Variants in XYLB observed in about 807,000 individuals in gnomAD.
XYLB encodes the protein xylulose kinase.
XYLB carries 62 observed loss-of-function variants against 78.7 expected under a neutral mutation model. The ratio of observed to expected loss-of-function variants is 0.79; its 90% CI spans 0.64 to 0.97. XYLB has a LOEUF of 0.97. Ranked by LOEUF, XYLB falls within the 50% of genes least tolerant of loss-of-function variation. The pLI is 0.00. For synonymous variants in XYLB, 245 were observed against 247.4 expected, an observed-to-expected ratio of 0.99 and a Z score of 0.09; for missense variants, 687 against 676.8, an observed-to-expected ratio of 1.02 and a Z score of -0.17.
chr3:38,371,365 C>G (rs1706549452), intron 9 of XYLB, among the ~76,000 whole-genome samples: 1 of 152,018 alleles, frequency 6.6e-6, no homozygotes, highest in Non-Finnish European at 1.5e-5. Context: ...GCTCCGCCTC[C>G]TGGGTTCACG....
chr3:38,406,518 G>A (rs952654290), intron 18 of XYLB, among the ~76,000 whole-genome samples: 3 of 152,190 alleles, frequency 2.0e-5, no homozygotes, highest in African/African-American at 2.4e-5. Context: ...CACCAGCAAC[G>A]GAACAAAGCT....
chr3:38,364,933 GT>G, intron 4 of XYLB, among the ~76,000 whole-genome samples: 1 of 152,332 alleles, frequency 6.6e-6, no homozygotes, highest in Non-Finnish European at 1.5e-5. Context: ...TTTAAATGCA[GT>G]TTTACAAAAG....
At chr3:38,420,211 G>A (rs553473323) in exon 18 of XYLB, among the ~76,000 whole-genome samples, 4 of 152,304 alleles carry the variant, frequency 2.6e-5, no homozygotes, top group Admixed American at 2.0e-4. Flanking sequence ...AGGATATGTA[G>A]GGTTTCTATC....
At chr3:38,426,191 C>A (rs1709096514), downstream of XYLB, among the ~76,000 whole-genome samples, 2 of 152,330 alleles carry the variant, frequency 1.3e-5, no homozygotes, top group South Asian at 2.1e-4. Context: ...CAGAAAAATT[C>A]TACTTTGCTG....
chr3:38,369,204 T>C (rs1316847068), intron 8 of XYLB, among the ~76,000 whole-genome samples: 1 of 151,632 alleles, frequency 6.6e-6, no homozygotes, highest in Non-Finnish European at 1.5e-5. Context: ...GGAGAGAGAG[T>C]GACTAAGGAG....
chr3:38,425,072 T>C (rs1278687869), downstream of XYLB, among the ~76,000 whole-genome samples: 1 of 152,258 alleles, frequency 6.6e-6, no homozygotes, highest in Non-Finnish European at 1.5e-5. Context: ...CAGGAGTAGT[T>C]AATACTTGAG....
At chr3:38,418,229 A>T (rs1268757000), downstream of XYLB, among the ~76,000 whole-genome samples, 2 of 151,048 alleles carry the variant, frequency 1.3e-5, no homozygotes, top group Non-Finnish European at 2.9e-5. Context: ...ATATATATGT[A>T]TGTATGTATC....
At chr3:38,411,271 A>G (rs1372158685) in intron 18 of XYLB, among the ~76,000 whole-genome samples, 1 of 152,156 alleles carries the variant, frequency 6.6e-6, no homozygotes, top group East Asian at 1.9e-4. Context: ...TCTGTAAACT[A>G]TCGCAAGGAC....
chr3:38,377,006 G>A lies in XYLB; in HGVS notation c.1194+15G>A. The A allele has an allele frequency of 6.2e-7, 1 of 1,609,774 alleles. No homozygotes were observed. The highest frequency in any genetic ancestry group is 1.3e-5 in the African/African-American group (1 of 74,884). Reference sequence around the variant, plus strand: ...AAAACCACAAGGTACATGTGCTGTTGGTGTTGGAGTTACATTGGCTCCATT... The same window carrying A: ...AAAACCACAAGGTACATGTGCTGTTAGTGTTGGAGTTACATTGGCTCCATT... On this transcript the variant is annotated intron_variant, in intron 14 of 18. Transcript: ENST00000207870.
intron 15 of XYLB, among the ~76,000 whole-genome samples, chr3:38,383,743 T>G (rs1382553332): frequency 1.3e-5 from 2 of 152,126 alleles, no homozygotes; most frequent in African/African-American, 4.8e-5. Context: ...CAATGAGCTG[T>G]GATTGCACCA....
In XYLB at chr3:38,379,341, C is replaced by T. The variant is rs139913121; in HGVS notation, c.1290C>T (p.Val430=). ...ACGCAGAAGGCCTGGGCTATCGAGT[C>T]AGTAAGTGAGCCACTGGCAGCATGT... ...RIHAEGLGYR[V]MSKTKILATG... is the part of the protein sequence containing the mutation. The change falls in exon 15 of 19, where the codon GTC becomes GTT. Residue 430 remains valine (V), a splice_region_variant and synonymous_variant. Transcript: ENST00000207870. 1 of 1,614,020 alleles carries T rather than the reference C, an allele frequency of 6.2e-7. No individual in the cohort carries two copies. The highest frequency in any genetic ancestry group is 8.5e-7 in the Non-Finnish European group (1 of 1,180,004).
chr3:38,447,481 T>C, the XYLB span, among the ~76,000 whole-genome samples: 2 of 149,338 alleles, frequency 1.3e-5, no homozygotes, highest in African/African-American at 5.0e-5. Flanking sequence ...TTTTTTTTTT[T>C]TTTTTTTTTT....
the XYLB span, among the ~76,000 whole-genome samples, chr3:38,441,806 C>T: frequency 1.3e-5 from 2 of 152,202 alleles, no homozygotes; most frequent in African/African-American, 4.8e-5. Context: ...CATCAATTTC[C>T]TTACTTAGGT....
intron 2 of XYLB, among the ~76,000 whole-genome samples, chr3:38,354,223 G>A (rs1353938719): frequency 6.6e-6 from 1 of 151,794 alleles, no homozygotes; most frequent in African/African-American, 2.4e-5. Context: ...ACAGGCGCCC[G>A]CCACTGGCTA....
chr3:38,395,330 T>C (rs1707823581), intron 15 of XYLB, among the ~76,000 whole-genome samples, 175 bp from the exon 16 acceptor site: 1 of 152,198 alleles, frequency 6.6e-6, no homozygotes, highest in South Asian at 2.1e-4. Flanking sequence ...AGCAAATGAA[T>C]GTGACAGGCC....
intron 3 of XYLB, among the ~76,000 whole-genome samples, chr3:38,361,702 T>A (rs989188541): frequency 2.0e-5 from 3 of 152,124 alleles, no homozygotes; most frequent in African/African-American, 7.2e-5. Flanking sequence ...CAAGGTGATT[T>A]CTGATCTGAC....
intron 3 of XYLB, among the ~76,000 whole-genome samples, chr3:38,361,504 A>C (rs934102552): frequency 3.9e-5 from 6 of 152,206 alleles, no homozygotes; most frequent in African/African-American, 1.4e-4. Context: ...GATTTTATCC[A>C]GATAAACTGG....
chr3:38,372,092 G>T (rs1035195845), intron 9 of XYLB, among the ~76,000 whole-genome samples: 7 of 152,180 alleles, frequency 4.6e-5, no homozygotes, highest in Non-Finnish European at 8.8e-5. Flanking sequence ...TGTCACATGT[G>T]GGGGAACCAC....
At chr3:38,429,063 C>T in the XYLB span, among the ~76,000 whole-genome samples, 3 of 152,182 alleles carry the variant, frequency 2.0e-5, no homozygotes, top group South Asian at 2.1e-4. Context: ...CAAGGTCATT[C>T]GCCTTCCCAA....
Sources: allele counts gnomAD v4.1 joint callset (sites outside exome capture counted in the v4.1 genomes callset), GRCh38; gene constraint gnomAD v4.1.1; transcripts MANE v1.5; gene names NCBI Gene and HGNC (gene_info 2026-07-23, HGNC 2026-07-21).